GALNT17: variants seen among roughly 807,000 people sequenced by gnomAD.
The protein encoded by GALNT17 is polypeptide N-acetylgalactosaminyltransferase 17, also known as UDP-GalNAc:polypeptide N-acetylgalactosaminyltransferase-like 3.
GALNT17 carries 29 observed loss-of-function variants against 63.7 expected under a neutral mutation model. The observed-to-expected ratio is 0.46, with a 90% CI of 0.34 to 0.62. The LOEUF is 0.62. Among genes scored for constraint, GALNT17 ranks in the 20% least tolerant of loss-of-function variants. The pLI is 0.01. For missense variants in GALNT17, 603 were observed against 799.6 expected, an observed-to-expected ratio of 0.75 and a Z score of 2.97; for synonymous variants, 305 against 318.3, an observed-to-expected ratio of 0.96 and a Z score of 0.45.
intron 10 of GALNT17, 65 bp from the exon 11 acceptor site, chr7:71,711,953 A>C (rs567519057): frequency 6.5e-7 from 1 of 1,546,394 alleles, no homozygotes; most frequent in South Asian, 1.1e-5. Flanking sequence ...TCCTCTCTCT[A>C]TATCTCTCGC....
chr7:71,216,604 A>G (rs1335115854), intron 1 of GALNT17, among the ~76,000 whole-genome samples: 2 of 145,156 alleles, frequency 1.4e-5, no homozygotes, highest in African/African-American at 5.1e-5. Context: ...ATATCTACAC[A>G]CATACACACA....
intron 6 of GALNT17, among the ~76,000 whole-genome samples, chr7:71,637,595 A>G: frequency 6.6e-6 from 1 of 151,892 alleles, no homozygotes; most frequent in South Asian, 2.1e-4. Flanking sequence ...CTGAGGTCAG[A>G]GTGAGATGTC....
intron 7 of GALNT17, among the ~76,000 whole-genome samples, chr7:71,666,588 T>C (rs765411430): frequency 6.6e-6 from 1 of 151,928 alleles, no homozygotes; most frequent in Non-Finnish European, 1.5e-5. Context: ...CCAAAGTCCA[T>C]TGTATCGTTC....
intron 5 of GALNT17, among the ~76,000 whole-genome samples, chr7:71,510,450 C>T (rs1434308322): frequency 6.6e-6 from 1 of 152,134 alleles, no homozygotes; most frequent in African/African-American, 2.4e-5. Context: ...TTTGTCCACC[C>T]AAATTTTGTC....
intron 6 of GALNT17, among the ~76,000 whole-genome samples, chr7:71,614,408 A>C (rs1001397330): frequency 6.6e-6 from 1 of 152,178 alleles, no homozygotes; most frequent in African/African-American, 2.4e-5. Flanking sequence ...CCAAAATCTG[A>C]AATGCTTCTG....
chr7:71,269,726 T>G (rs996455762), intron 1 of GALNT17, among the ~76,000 whole-genome samples: 1 of 152,188 alleles, frequency 6.6e-6, no homozygotes, highest in Non-Finnish European at 1.5e-5. Context: ...TGAGTTGTAG[T>G]TTCCTAACTT....
chr7:71,631,761 G>C (rs1397277033), intron 6 of GALNT17, among the ~76,000 whole-genome samples: 1 of 152,134 alleles, frequency 6.6e-6, no homozygotes, highest in African/African-American at 2.4e-5. Flanking sequence ...GGAGGGTTTT[G>C]AGCTGAGGTG....
intron 5 of GALNT17, among the ~76,000 whole-genome samples, 158 bp downstream of exon 5, chr7:71,421,263 C>T (rs547880827): frequency 6.6e-6 from 1 of 152,306 alleles, no homozygotes; most frequent in African/African-American, 2.4e-5. Flanking sequence ...AGCTTTCCTG[C>T]AGAGGGAGGA....
chr7:71,361,672 T>G (rs1792404120), intron 2 of GALNT17, among the ~76,000 whole-genome samples: 1 of 152,162 alleles, frequency 6.6e-6, no homozygotes, highest in South Asian at 2.1e-4. Flanking sequence ...TGAGTTTCGT[T>G]GAGTTTTATT....
At chr7:71,691,854 T>TTTTC (rs1791447781) in intron 9 of GALNT17, among the ~76,000 whole-genome samples, 1 of 143,080 alleles carries the variant, frequency 7.0e-6, no homozygotes, top group Admixed American at 7.4e-5. Flanking sequence ...TTTTTTAATC[T>TTTTC]TTTCTTTCTT....
intron 5 of GALNT17, among the ~76,000 whole-genome samples, chr7:71,543,108 T>G (rs1788921373): frequency 6.6e-6 from 1 of 152,214 alleles, no homozygotes; most frequent in South Asian, 2.1e-4. Flanking sequence ...AGAATTTCAG[T>G]AACCCATGTT....
At chr7:71,143,930 G>C (rs993305904) in intron 1 of GALNT17, among the ~76,000 whole-genome samples, 4 of 151,576 alleles carry the variant, frequency 2.6e-5, no homozygotes, top group Admixed American at 2.6e-4. Flanking sequence ...TGTTGCTGGC[G>C]TGGCTGGCCC....
intron 1 of GALNT17, among the ~76,000 whole-genome samples, chr7:71,204,589 A>G (rs865985534): frequency 2.4e-4 from 35 of 145,800 alleles, no homozygotes; most frequent in Admixed American, 9.0e-4. Context: ...TTTTTGAGAC[A>G]GAGTCTCACC....
intron 3 of GALNT17, among the ~76,000 whole-genome samples, chr7:71,399,491 A>G (rs1793202593): frequency 6.6e-6 from 1 of 152,018 alleles, no homozygotes; most frequent in South Asian, 2.1e-4. Context: ...TCTGCGTTCT[A>G]GCTTCCTCAA....
At chr7:71,561,627 C>T (rs1344381560) in intron 5 of GALNT17, among the ~76,000 whole-genome samples, 3 of 152,214 alleles carry the variant, frequency 2.0e-5, no homozygotes, top group Non-Finnish European at 2.9e-5. Flanking sequence ...ATCCCTGGGT[C>T]AGGAACCATC....
At chr7:71,190,412 C>G (rs1450914332) in intron 1 of GALNT17, among the ~76,000 whole-genome samples, 1 of 152,058 alleles carries the variant, frequency 6.6e-6, no homozygotes, top group African/African-American at 2.4e-5. Flanking sequence ...CTTGCTCTTG[C>G]TTTTGCCATG....
At chr7:71,190,564 T>A (rs1172013019) in intron 1 of GALNT17, among the ~76,000 whole-genome samples, 1 of 152,132 alleles carries the variant, frequency 6.6e-6, no homozygotes, top group Admixed American at 6.5e-5. Context: ...CTTCATAAAT[T>A]ACCCAGTCTC....
chr7:71,500,165 C>T (rs2116698637), intron 5 of GALNT17, among the ~76,000 whole-genome samples: 1 of 152,218 alleles, frequency 6.6e-6, no homozygotes, highest in South Asian at 2.1e-4. Context: ...TTGCTTTTGC[C>T]TATAAATTTC....
At chr7:71,605,010 G>A (rs1790024288) in intron 6 of GALNT17, among the ~76,000 whole-genome samples, 1 of 152,094 alleles carries the variant, frequency 6.6e-6, no homozygotes, top group Non-Finnish European at 1.5e-5. Context: ...TCACATTGTG[G>A]ACAGAGTGAA....
Sources: allele counts gnomAD v4.1 joint callset (sites outside exome capture counted in the v4.1 genomes callset), GRCh38; gene constraint gnomAD v4.1.1; transcripts MANE v1.5; gene names NCBI Gene and HGNC (gene_info 2026-07-23, HGNC 2026-07-21).